Variants in DNAH12 observed in about 807,000 individuals in gnomAD.
The protein encoded by DNAH12 is dynein axonemal heavy chain 12.
Under a neutral mutation model 371.5 loss-of-function variants are expected in DNAH12, and 285 were observed. That is an observed-to-expected ratio of 0.77 (90% confidence interval 0.70 to 0.85). DNAH12 has a LOEUF of 0.85. Ranked by LOEUF, DNAH12 falls within the 40% of genes least tolerant of loss-of-function variation. The pLI, the probability that DNAH12 is intolerant of heterozygous loss-of-function variation, is 0.00. For synonymous variants in DNAH12, 1,200 were observed against 1,213.0 expected, an observed-to-expected ratio of 0.99 and a Z score of 0.22; for missense variants, 3,611 against 3,689.4, an observed-to-expected ratio of 0.98 and a Z score of 0.55.
intron 62 of DNAH12, among the ~76,000 whole-genome samples, chr3:57,330,568 T>TG (rs955324575): frequency 1.9e-5 from 1 of 52,082 alleles, no homozygotes; most frequent in African/African-American, 7.2e-5. Context: ...TGTTGTGGGG[T>TG]GGGGGGAGGG....
At chr3:57,406,752 A>AC (rs1316670526) in intron 40 of DNAH12, among the ~76,000 whole-genome samples, 26 of 151,664 alleles carry the variant, frequency 1.7e-4, no homozygotes, top group Admixed American at 2.6e-4. Flanking sequence ...TTATTCCCTC[A>AC]CCCCCCTTCT....
At chr3:57,490,875 G>A (rs932681122) in intron 11 of DNAH12, among the ~76,000 whole-genome samples, 12 of 152,030 alleles carry the variant, frequency 7.9e-5, no homozygotes, top group Non-Finnish European at 1.5e-5. Flanking sequence ...GACCACCTGA[G>A]GGCAGGAGTT....
chr3:57,402,297 C>A, intron 43 of DNAH12: 1 of 909,778 alleles, frequency 1.1e-6, no homozygotes, highest in Non-Finnish European at 1.5e-6. Flanking sequence ...GAAAGAAGTC[C>A]AGCAATTTCT....
Position 57,472,744 on chromosome 3 carries a change from A to G in DNAH12, c.1651-73T>C, listed in dbSNP as rs892181617. 51 of 1,418,682 alleles carry G rather than the reference A, an allele frequency of 3.6e-5. 1 individual carries two copies. Among genetic ancestry groups the G allele is most frequent in the South Asian group, 3.0e-4 (23 of 75,484 alleles). 87.9% of individuals were successfully genotyped at this position (1,418,682 alleles called of 1,614,324 possible). A position where few individuals can be genotyped will look rare whatever the true frequency, so the allele number is the denominator to read the frequency against. ...CATTATGAAAAAGAGAAGAACCAAC[A>G]ACAATCTCTAATACCCTTTCAGATT... is the stretch of plus-strand genomic sequence containing the variant. On this transcript the variant is annotated intron_variant, in intron 13 of 73. Transcript: ENST00000495027.
chr3:57,526,068 T>G (rs897612473), intron 2 of DNAH12, among the ~76,000 whole-genome samples: 2 of 152,078 alleles, frequency 1.3e-5, no homozygotes. Flanking sequence ...TGGCCTTTTT[T>G]CTTTTTTTGT....
chr3:57,451,710 C>G (rs1203927658), intron 25 of DNAH12, among the ~76,000 whole-genome samples: 1 of 152,076 alleles, frequency 6.6e-6, no homozygotes, highest in Admixed American at 6.6e-5. Flanking sequence ...AGCCGGAGAG[C>G]GCGCCTCACC....
chr3:57,322,478 T>C lies in DNAH12; in HGVS notation c.10389A>G (p.Pro3463=). The C allele has an allele frequency of 6.4e-7, 1 of 1,551,542 alleles. No individual in the cohort carries two copies. The highest frequency in any genetic ancestry group is 8.7e-7 in the Non-Finnish European group (1 of 1,146,924). The part of the protein sequence containing the change: ...WLTSYPSSKF[P]VTILQNGVKM... Reference sequence around the variant, plus strand: ...TTACTCCATTCTGTAGAATTGTTACTGGGAACTAAGACAAAATAAATGGAG... The same window carrying C: ...TTACTCCATTCTGTAGAATTGTTACCGGGAACTAAGACAAAATAAATGGAG... Residue 3463 remains proline (P), a synonymous_variant, in exon 65 of 74, where the codon CCA becomes CCG. Transcript: ENST00000495027.
At chr3:57,397,056 T>G (rs923174019) in intron 43 of DNAH12, among the ~76,000 whole-genome samples, 5 of 152,298 alleles carry the variant, frequency 3.3e-5, no homozygotes, top group South Asian at 4.1e-4. Context: ...ATGTCAGGAA[T>G]ATTATGAAAA....
intron 4 of DNAH12, among the ~76,000 whole-genome samples, chr3:57,517,692 T>C (rs1397742135): frequency 6.6e-6 from 1 of 152,172 alleles, no homozygotes; most frequent in Non-Finnish European, 1.5e-5. Context: ...AGAATTAAAG[T>C]ATATAATCTT....
chr3:57,330,393 A>G (rs2062065893), intron 62 of DNAH12, among the ~76,000 whole-genome samples: 1 of 152,060 alleles, frequency 6.6e-6, no homozygotes, highest in African/African-American at 2.4e-5. Context: ...ATAAAAAAGG[A>G]TGAGTTCATG....
chr3:57,539,572 G>A (rs1157671022), intron 2 of DNAH12, among the ~76,000 whole-genome samples: 1 of 151,184 alleles, frequency 6.6e-6, no homozygotes, highest in Admixed American at 6.6e-5. Flanking sequence ...GTGCTCCTGG[G>A]AATATCTTCT....
intron 73 of DNAH12, 144 bp from the exon 74 acceptor site, chr3:57,294,115 AT>A: frequency 5.0e-6 from 3 of 605,148 alleles, no homozygotes; most frequent in African/African-American, 1.9e-5. Context: ...CAGCATATAT[AT>A]TTTTTTACAG....
At chr3:57,305,773 C>T (rs538847689) in intron 69 of DNAH12, among the ~76,000 whole-genome samples, 1 of 152,226 alleles carries the variant, frequency 6.6e-6, no homozygotes, top group East Asian at 1.9e-4. Context: ...GGCCCTCAAA[C>T]CCCACAACAG....
intron 53 of DNAH12, among the ~76,000 whole-genome samples, chr3:57,376,604 G>T (rs1162431635): frequency 6.6e-6 from 1 of 152,110 alleles, no homozygotes; most frequent in Non-Finnish European, 1.5e-5. Context: ...GATCAAGCCA[G>T]TTATATCTTC....
In DNAH12 at chr3:57,489,550, T is replaced by C; in HGVS notation, c.1473A>G (p.Leu491=). The C allele has an allele frequency of 1.3e-6, 2 of 1,526,562 alleles. No homozygotes were observed. Among genetic ancestry groups the C allele is most frequent in the Non-Finnish European group, 1.8e-6 (2 of 1,140,502 alleles). The allele number at this position is 1,526,562 out of a possible 1,614,324, so 94.6% of individuals were successfully genotyped here. The change falls in exon 12 of 74, where the codon TTA becomes TTG. Residue 491 remains leucine (L), a synonymous_variant. Coordinates refer to ENST00000495027, the MANE Select transcript of DNAH12 (RefSeq NM_001366028.2). ...TNKAKAFANI[L]LNDIASKYRK... ...TATATTTTGAAGCTATGTCATTTAA[T>C]AATATGTTTGCAAAGGCTTTTGCTT...
At chr3:57,501,443 A>G (rs754929828) in intron 10 of DNAH12, 31 bp from the exon 11 acceptor site, 8 of 1,512,276 alleles carry the variant, frequency 5.3e-6, no homozygotes, top group South Asian at 2.5e-5. Context: ...TAAAATCTCA[A>G]TAATACCCTT....
chr3:57,481,048 A>T (rs1246672140), intron 13 of DNAH12, among the ~76,000 whole-genome samples: 2 of 152,226 alleles, frequency 1.3e-5, no homozygotes, highest in African/African-American at 4.8e-5. Flanking sequence ...CTATTCAACA[A>T]AGTGTTAGAA....
intron 38 of DNAH12, among the ~76,000 whole-genome samples, chr3:57,414,542 C>T (rs190095410): frequency 2.6e-5 from 4 of 152,240 alleles, no homozygotes; most frequent in South Asian, 2.1e-4. Flanking sequence ...CCTCCTCCCC[C>T]GCTCCACTCT....
intron 70 of DNAH12, among the ~76,000 whole-genome samples, chr3:57,298,836 G>A (rs370616222): frequency 6.6e-6 from 1 of 152,132 alleles, no homozygotes; most frequent in African/African-American, 2.4e-5. Context: ...TAGATACATG[G>A]CTTGTCCCCT....
Sources: gnomAD v4.1 joint callset for allele counts (sites outside exome capture counted in the v4.1 genomes callset) on GRCh38, gnomAD v4.1.1 for gene constraint, MANE v1.5 for transcripts, NCBI Gene and HGNC (gene_info 2026-07-23, HGNC 2026-07-21) for gene names.